Variants in MAPKAP1 observed in about 807,000 individuals in gnomAD.
MAPKAP1 encodes the protein target of rapamycin complex 2 subunit MAPKAP1.
MAPKAP1 carries 20 observed loss-of-function variants against 65.7 expected under a neutral mutation model. The ratio of observed to expected loss-of-function variants is 0.30; its 90% CI spans 0.21 to 0.44. MAPKAP1 has a LOEUF of 0.44. MAPKAP1 is among the 20% of genes least tolerant of loss of function. The pLI is 1.00. For synonymous variants in MAPKAP1, 222 were observed against 244.3 expected, an observed-to-expected ratio of 0.91 and a Z score of 0.85; for missense variants, 423 against 648.0, an observed-to-expected ratio of 0.65 and a Z score of 3.77.
intron 4 of MAPKAP1, among the ~76,000 whole-genome samples, chr9:125,640,492 CA>C (rs1242082811): frequency 2.6e-5 from 4 of 151,926 alleles, no homozygotes; most frequent in Non-Finnish European, 5.9e-5. Flanking sequence ...CTTACTCTGC[CA>C]GGAGCAAGAC....
intron 7 of MAPKAP1, among the ~76,000 whole-genome samples, chr9:125,531,472 T>C (rs1014256905): frequency 6.6e-6 from 1 of 152,248 alleles, no homozygotes; most frequent in African/African-American, 2.4e-5. Flanking sequence ...CCTGTAACTG[T>C]AAATGCAACT....
chr9:125,641,136 A>G (rs1179290572), intron 4 of MAPKAP1, among the ~76,000 whole-genome samples: 1 of 152,220 alleles, frequency 6.6e-6, no homozygotes, highest in African/African-American at 2.4e-5. Context: ...TGCCTGGCTC[A>G]TAGCAAGCAT....
At chr9:125,508,319 G>T (rs986204935) in intron 7 of MAPKAP1, among the ~76,000 whole-genome samples, 1 of 152,148 alleles carries the variant, frequency 6.6e-6, no homozygotes, top group African/African-American at 2.4e-5. Flanking sequence ...CGTAATACTG[G>T]GTAGAAGGAA....
chr9:125,693,642 CAT>C (rs1446929292), intron 1 of MAPKAP1, among the ~76,000 whole-genome samples: 17 of 137,634 alleles, frequency 1.2e-4, no homozygotes, highest in African/African-American at 2.0e-4. Context: ...TATACACACA[CAT>C]ATACACGTAT....
At chr9:125,510,019 C>A (rs1232285432) in intron 7 of MAPKAP1, among the ~76,000 whole-genome samples, 1 of 152,228 alleles carries the variant, frequency 6.6e-6, no homozygotes, top group African/African-American at 2.4e-5. Context: ...TGAAGCCTAG[C>A]ATGTTGATGA....
Position 125,447,243 on chromosome 9 carries a change from T to TA in MAPKAP1, c.1346-2646_1346-2645insT. ...CCCATCTGAGGAAGAGTGAAGCAGG[T>TA]GAGGAGGAGGAAGAGTCCCAACATT... On this transcript the variant is annotated intron_variant, in intron 10 of 11. Coordinates refer to ENST00000265960, the MANE Select transcript of MAPKAP1 (RefSeq NM_001006617.3). The surrounding 1 kb of genome is among the most constrained non-coding windows in gnomAD (Gnocchi z 4.5). 4 of 375,424 alleles carry TA rather than the reference T, an allele frequency of 1.1e-5. No homozygotes were observed. Among genetic ancestry groups the TA allele is most frequent in the Admixed American group, 5.7e-5 (2 of 34,808 alleles). The allele number at this position is 375,424 out of a possible 1,614,324, so 23.3% of individuals were successfully genotyped here.
At chr9:125,617,480 A>C (rs2131642558) in intron 4 of MAPKAP1, among the ~76,000 whole-genome samples, 1 of 152,342 alleles carries the variant, frequency 6.6e-6, no homozygotes, top group East Asian at 1.9e-4. Context: ...TCTTTTTAAA[A>C]GTCTGTAAGT....
At chr9:125,629,463 C>A (rs768069578) in intron 4 of MAPKAP1, among the ~76,000 whole-genome samples, 1 of 152,228 alleles carries the variant, frequency 6.6e-6, no homozygotes, top group African/African-American at 2.4e-5. Flanking sequence ...CATGGATGAA[C>A]CTTGAGGACA....
intron 1 of MAPKAP1, among the ~76,000 whole-genome samples, chr9:125,696,878 A>G (rs905966410): frequency 1.4e-5 from 2 of 146,966 alleles, no homozygotes; most frequent in African/African-American, 5.2e-5. Flanking sequence ...ACCTTAACAC[A>G]CATAATTTTC....
In MAPKAP1 at chr9:125,672,611, C is replaced by G. The variant is rs1834528966; in HGVS notation, c.-37G>C. 1 of 1,607,042 alleles carries G rather than the reference C, an allele frequency of 6.2e-7. No homozygotes were observed. Among genetic ancestry groups the G allele is most frequent in the East Asian group, 2.2e-5 (1 of 44,802 alleles). ...GCCAATTTCCTTAAAAGGCTATTTT[C>G]TCCTCTTCATATTGTTTCACGAGCT... On this transcript the variant is annotated 5_prime_UTR_variant, in exon 2 of 12. Coordinates refer to ENST00000265960, the MANE Select transcript of MAPKAP1 (RefSeq NM_001006617.3).
At chr9:125,693,073 T>C (rs993651998) in intron 1 of MAPKAP1, among the ~76,000 whole-genome samples, 2 of 152,084 alleles carry the variant, frequency 1.3e-5, no homozygotes, top group African/African-American at 4.8e-5. Flanking sequence ...AACATTCTAA[T>C]CCACACCAGG....
intron 7 of MAPKAP1, among the ~76,000 whole-genome samples, chr9:125,525,886 T>C (rs377269467): frequency 6.6e-6 from 1 of 152,028 alleles, no homozygotes. Context: ...GAATGACCAG[T>C]TTTAAGCCAA....
At chr9:125,660,183 C>G (rs1266297492) in intron 3 of MAPKAP1, among the ~76,000 whole-genome samples, 1 of 152,168 alleles carries the variant, frequency 6.6e-6, no homozygotes, top group Non-Finnish European at 1.5e-5. Context: ...CACTGGTGAT[C>G]TCATCCAGTC....
At chr9:125,700,468 C>T (rs1217810693) in intron 1 of MAPKAP1, among the ~76,000 whole-genome samples, 1 of 152,138 alleles carries the variant, frequency 6.6e-6, no homozygotes, top group Admixed American at 6.5e-5. Context: ...CATAATATTC[C>T]ACTTATTTCA....
chr9:125,505,567 C>G (rs1303614337), intron 8 of MAPKAP1, among the ~76,000 whole-genome samples: 4 of 152,126 alleles, frequency 2.6e-5, no homozygotes, highest in Admixed American at 2.0e-4. Flanking sequence ...GGGACTCAAA[C>G]GAGAGGTGGA....
chr9:125,518,791 A>G (rs1321550482), intron 7 of MAPKAP1, among the ~76,000 whole-genome samples: 2 of 152,210 alleles, frequency 1.3e-5, no homozygotes, highest in Non-Finnish European at 2.9e-5. Context: ...GAATAAAATA[A>G]AAGCACCAAA....
At chr9:125,682,538 C>G (rs1208243185) in intron 1 of MAPKAP1, among the ~76,000 whole-genome samples, 3 of 152,220 alleles carry the variant, frequency 2.0e-5, no homozygotes, top group African/African-American at 7.2e-5. Context: ...ACATTTCCAG[C>G]TGTTACAAGA....
chr9:125,663,891 C>T (rs777630919), intron 3 of MAPKAP1, among the ~76,000 whole-genome samples: 9 of 151,912 alleles, frequency 5.9e-5, no homozygotes, highest in Non-Finnish European at 8.8e-5. Flanking sequence ...AAACACAAAA[C>T]TAAAAAAATA....
intron 1 of MAPKAP1, among the ~76,000 whole-genome samples, chr9:125,698,287 AAATATATATATAT>A (rs1172218838): frequency 0.012 from 319 of 27,092 alleles, 10 homozygotes; most frequent in African/African-American, 0.044. Context: ...TAATATATAT[AAATATATATATAT>A]ATATATATAT....
Sources: allele counts gnomAD v4.1 joint callset (sites outside exome capture counted in the v4.1 genomes callset), GRCh38; gene constraint gnomAD v4.1.1; non-coding constraint Gnocchi (gnomAD v3.1); transcripts MANE v1.5; gene names NCBI Gene and HGNC (gene_info 2026-07-23, HGNC 2026-07-21).